BPNT2: variants seen among roughly 807,000 people sequenced by gnomAD.
BPNT2 encodes the protein Golgi-resident adenosine 3',5'-bisphosphate 3'-phosphatase.
A neutral mutation model predicts 29.3 loss-of-function variants in BPNT2; 11 were observed. The ratio of observed to expected loss-of-function variants is 0.38; its 90% CI spans 0.24 to 0.62. The LOEUF (loss-of-function observed/expected upper bound fraction) is 0.62, where lower values mean the gene tolerates loss of function less well. BPNT2 is among the 20% of genes least tolerant of loss of function. BPNT2 has a pLI of 0.62. For synonymous variants in BPNT2, 195 were observed against 187.7 expected (o/e 1.04, Z -0.32); for missense variants, 459 against 473.4 (o/e 0.97, Z 0.28).
Position 56,969,214 on chromosome 8 carries a change from C to T in BPNT2, c.647-2862G>A, listed in dbSNP as rs529330861. Reference sequence around the variant, plus strand: ...TTTCAAGTTTGTGGTTAACTTGTTACGACAGCCCGAGGAAACTAATACAGA... The same window carrying T: ...TTTCAAGTTTGTGGTTAACTTGTTATGACAGCCCGAGGAAACTAATACAGA... On this transcript the variant is annotated intron_variant, in intron 3 of 4. Transcript: ENST00000262644. Among the ~76,000 whole-genome samples, 43 of 152,264 alleles carry T rather than the reference C, an allele frequency of 2.8e-4. 1 individual carries two copies. In the South Asian group the frequency reaches 7.7e-3, roughly 27 times the overall value.
At chr8:56,971,791 C>CCCCG (rs1554539142) in intron 3 of BPNT2, among the ~76,000 whole-genome samples, 4 of 146,850 alleles carry the variant, frequency 2.7e-5, no homozygotes, top group Non-Finnish European at 6.1e-5. Context: ...CACCCCCCCC[C>CCCCG]CCACAATGCT....
At chr8:56,983,504 G>A (rs1003327068) in intron 1 of BPNT2, among the ~76,000 whole-genome samples, 4 of 152,106 alleles carry the variant, frequency 2.6e-5, no homozygotes, top group African/African-American at 9.7e-5. Context: ...GAAGCCAGAT[G>A]GTGAAGGACC....
rs1183771091 is a variant in BPNT2, at chr8:56,993,279, C to A, written c.307G>T (p.Glu103Ter). ...KSKGKTREGAEDKMTSGDVLS... is the reference protein window; with the variant it reads ...KSKGKTREGA ...ACGTCGCCGCTGGTCATCTTGTCCT[C>A]GGCTCCCTCGCGCGTCTTCCCCTTG... The change falls in exon 1 of 5, where the codon GAG (glutamate) becomes TAG (stop). Residue 103 changes from glutamate (E) to a stop codon, truncating the protein, a stop_gained. Coordinates refer to ENST00000262644, the MANE Select transcript of BPNT2 (RefSeq NM_017813.5). LOFTEE classifies it high-confidence loss of function. The A allele has an allele frequency of 4.3e-6, 7 of 1,611,394 alleles. No individual in the cohort carries two copies. The highest frequency in any genetic ancestry group is 5.9e-6 in the Non-Finnish European group (7 of 1,179,918).
chr8:56,970,612 G>A (rs529727485), intron 3 of BPNT2, among the ~76,000 whole-genome samples: 29 of 152,162 alleles, frequency 1.9e-4, no homozygotes, highest in African/African-American at 5.8e-4. Context: ...AGCAGCAATC[G>A]GGGAAATGTA....
chr8:56,978,107 CCA>C lies in BPNT2; in HGVS notation c.587_588del (p.Val196GlyfsTer5). On this transcript the variant is annotated frameshift_variant, in exon 3 of 5. Transcript: ENST00000262644. LOFTEE classifies it high-confidence loss of function. ...CCTAGCATGGGTTTACCATTTACAG[CCA>C]CACACACCATAGTAGTGACGTACTT... Reference protein sequence around the residue: ...LRKYVTTMVCVAVNGKPMLGV... With the variant: ...LRKYVTTMVCXAVNGKPMLGV... The C allele has an allele frequency of 1.2e-6, 2 of 1,611,978 alleles. No individual in the cohort carries two copies. The highest frequency in any genetic ancestry group is 8.5e-7 in the Non-Finnish European group (1 of 1,178,616).
intron 3 of BPNT2, among the ~76,000 whole-genome samples, chr8:56,968,199 G>C (rs138750117): frequency 6.6e-6 from 1 of 151,930 alleles, no homozygotes; most frequent in African/African-American, 2.4e-5. Context: ...GATGTAAAGT[G>C]GGAGCTCATA....
intron 1 of BPNT2, among the ~76,000 whole-genome samples, chr8:56,987,531 C>G (rs1407809230): frequency 1.3e-5 from 2 of 152,150 alleles, no homozygotes; most frequent in African/African-American, 4.8e-5. Flanking sequence ...CACCAGCTCT[C>G]CTGGTTCTCA....
At chr8:56,988,757 G>A (rs1169212692) in intron 1 of BPNT2, among the ~76,000 whole-genome samples, 1 of 152,008 alleles carries the variant, frequency 6.6e-6, no homozygotes, top group African/African-American at 2.4e-5. Context: ...GCTAACCTTG[G>A]ACATATCAAA....
chr8:56,988,798 C>T (rs1408845051), intron 1 of BPNT2, among the ~76,000 whole-genome samples: 1 of 152,206 alleles, frequency 6.6e-6, no homozygotes, highest in East Asian at 1.9e-4. Context: ...TCTAAAATGG[C>T]ATTCATAATC....
chr8:56,971,715 T>C (rs566575069), intron 3 of BPNT2, among the ~76,000 whole-genome samples: 1 of 148,538 alleles, frequency 6.7e-6, no homozygotes, highest in Non-Finnish European at 1.5e-5. Context: ...TTAAGAGAAA[T>C]GTAAACAAAT....
intron 1 of BPNT2, among the ~76,000 whole-genome samples, chr8:56,989,180 T>A (rs954214944): frequency 6.6e-6 from 1 of 151,994 alleles, no homozygotes; most frequent in Non-Finnish European, 1.5e-5. Context: ...GACTCTAAGA[T>A]TATTCTCATG....
intron 3 of BPNT2, among the ~76,000 whole-genome samples, chr8:56,967,674 T>C (rs190017684): frequency 2.1e-4 from 32 of 152,160 alleles, no homozygotes; most frequent in African/African-American, 7.0e-4. Flanking sequence ...ACCAGAATTG[T>C]AGTCTTGAGA....
chr8:56,965,880 A>C (rs1231980217), intron 4 of BPNT2, among the ~76,000 whole-genome samples: 3 of 152,148 alleles, frequency 2.0e-5, no homozygotes, highest in Non-Finnish European at 4.4e-5. Context: ...TGATATTCCC[A>C]CAGTTAAGTA....
chr8:56,965,218 C>T (rs1239649329), intron 4 of BPNT2, among the ~76,000 whole-genome samples: 2 of 152,100 alleles, frequency 1.3e-5, no homozygotes, highest in Non-Finnish European at 2.9e-5. Flanking sequence ...ACTCGGGAGG[C>T]TGAGGCACGA....
At chr8:56,976,987 G>A (rs981775523) in intron 3 of BPNT2, among the ~76,000 whole-genome samples, 1 of 152,092 alleles carries the variant, frequency 6.6e-6, no homozygotes, top group East Asian at 1.9e-4. Context: ...ATAGCTCACA[G>A]ATAGAACTTT....
At chr8:56,978,664 TAA>T (rs571630819) in intron 2 of BPNT2, among the ~76,000 whole-genome samples, 2 of 144,018 alleles carry the variant, frequency 1.4e-5, no homozygotes, top group African/African-American at 2.5e-5. Context: ...ATAGACCAGG[TAA>T]AAAAAAAAAA....
At chr8:56,981,338 G>A (rs1039167739) in intron 1 of BPNT2, among the ~76,000 whole-genome samples, 1 of 152,146 alleles carries the variant, frequency 6.6e-6, no homozygotes, top group Non-Finnish European at 1.5e-5. Context: ...AGGCCGAGGC[G>A]GCTGGATCAC....
chr8:56,984,542 C>A (rs1430216074), intron 1 of BPNT2, among the ~76,000 whole-genome samples: 1 of 152,172 alleles, frequency 6.6e-6, no homozygotes, highest in East Asian at 1.9e-4. Context: ...CCATCTCTCA[C>A]CTGGATTTCT....
chr8:56,987,731 CTTTT>C (rs35492743), intron 1 of BPNT2, among the ~76,000 whole-genome samples: 1 of 140,114 alleles, frequency 7.1e-6, no homozygotes, highest in Admixed American at 7.2e-5. Context: ...TAACTATTTT[CTTTT>C]TTTTTTTTTT....
Sources: gnomAD v4.1 joint callset for allele counts (sites outside exome capture counted in the v4.1 genomes callset) on GRCh38, gnomAD v4.1.1 for gene constraint, MANE v1.5 for transcripts, NCBI Gene and HGNC (gene_info 2026-07-23, HGNC 2026-07-21) for gene names.